LRCH2: variants seen among roughly 807,000 people sequenced by gnomAD.
LRCH2 encodes leucine rich repeats and calponin homology domain containing 2, also known as leucine-rich repeat and calponin homology domain-containing protein 2.
In LRCH2, 38 loss-of-function variants were observed where a neutral mutation model predicts 68.9. The ratio of observed to expected loss-of-function variants is 0.55; its 90% CI spans 0.43 to 0.72. The LOEUF is 0.72. Among genes scored for constraint, LRCH2 ranks in the 30% least tolerant of loss-of-function variants. The probability of loss-of-function intolerance (pLI) is 0.00; values close to 1 mark genes in which losing one functional copy is unlikely to be tolerated. For missense variants in LRCH2, 528 were observed against 572.9 expected (o/e 0.92, Z 0.80); for synonymous variants, 191 against 208.1 (o/e 0.92, Z 0.71).
intron 1 of LRCH2, among the ~76,000 whole-genome samples, chrX:115,194,858 G>A (rs1424377529): frequency 9.0e-6 from 1 of 111,168 alleles, no homozygotes; most frequent in African/African-American, 3.3e-5. Context: ...TTGAAACAGA[G>A]GTGCAATGAA....
At position 115,174,699 on chromosome X, in the gene LRCH2, G is replaced by T. The variant is rs782194073; in HGVS notation, c.865-4267C>A. 1.2e-4 allele frequency among the ~76,000 whole-genome samples: 13 copies of T among 109,465 alleles called. 1 individual carries two copies. In the South Asian group the frequency reaches 4.8e-3, roughly 41 times the overall value. On this transcript the variant is annotated intron_variant, in intron 5 of 20. Transcript: ENST00000317135. ...TGACTGTAGTGAATAATGTTGCAAT[G>T]AACATGGGAGTGCAGATTATTTCTT...
chrX:115,166,594 A>T (rs2072561955), intron 6 of LRCH2, among the ~76,000 whole-genome samples: 1 of 111,101 alleles, frequency 9.0e-6, no homozygotes, highest in South Asian at 3.7e-4. Context: ...TTCTCCTCAG[A>T]GATTCAGAAA....
At chrX:115,129,474 T>C (rs2072224792) in intron 15 of LRCH2, among the ~76,000 whole-genome samples, 1 of 111,292 alleles carries the variant, frequency 9.0e-6, no homozygotes, top group Non-Finnish European at 1.9e-5. Flanking sequence ...TCCCAGTAAA[T>C]ACTACTGGAG....
rs181383961 is a variant in LRCH2 at position 115,161,865 on chromosome X, A to G, written c.1463+1811T>C. On this transcript the variant is annotated intron_variant, in intron 11 of 20. Transcript: ENST00000317135. Reference sequence around the variant, plus strand: ...CAGAAATATCGTATATGACAATGTAAAAATCTATAATTATGCACTCAAATG... The same window carrying G: ...CAGAAATATCGTATATGACAATGTAGAAATCTATAATTATGCACTCAAATG... 2.5e-3 allele frequency among the ~76,000 whole-genome samples: 282 copies of G among 111,217 alleles called. 3 individuals carry two copies. The highest frequency in any genetic ancestry group is 4.4e-3 in the Non-Finnish European group (235 of 53,037).
chrX:115,170,190 G>T, intron 6 of LRCH2, 109 bp downstream of exon 6: 1 of 745,437 alleles, frequency 1.3e-6, no homozygotes, highest in Non-Finnish European at 1.8e-6. Flanking sequence ...TTATTTTAGT[G>T]CTGGACCAAT....
At position 115,189,368 on chromosome X, in the gene LRCH2, G is replaced by A. The variant is rs1043551081; in HGVS notation, c.350-998C>T. On this transcript the variant is annotated intron_variant, in intron 1 of 20. Transcript: ENST00000317135. Reference sequence around the variant, plus strand: ...CCGGTAGGAGCCGCCCTCCACGAGAGCGCTCGAAGGCCGCGACTGAACTGC... The same window carrying A: ...CCGGTAGGAGCCGCCCTCCACGAGAACGCTCGAAGGCCGCGACTGAACTGC... The A allele has an allele frequency of 6.5e-6, 7 of 1,071,999 alleles. No individual in the cohort carries two copies. The Admixed American group carries it at 9.3e-5, about 14-fold the overall frequency. The allele number at this position is 1,071,999 out of a possible 1,213,427, so 88.3% of individuals were successfully genotyped here.
intron 1 of LRCH2, among the ~76,000 whole-genome samples, chrX:115,222,546 G>A (rs1556574442): frequency 8.9e-6 from 1 of 112,061 alleles, no homozygotes; most frequent in Non-Finnish European, 1.9e-5. Context: ...GTTCAGCAAG[G>A]TTGAAGGATA....
At chrX:115,215,350 G>A (rs782768311) in intron 1 of LRCH2, among the ~76,000 whole-genome samples, 2 of 111,047 alleles carry the variant, frequency 1.8e-5, no homozygotes, top group Non-Finnish European at 3.8e-5. Context: ...ATAAAACCTG[G>A]GCCAAGGACA....
intron 1 of LRCH2, among the ~76,000 whole-genome samples, chrX:115,224,448 C>T (rs928808144): frequency 9.0e-6 from 1 of 110,607 alleles, no homozygotes; most frequent in Non-Finnish European, 1.9e-5. Flanking sequence ...TTTGGGAGGC[C>T]AAGGCAGGTG....
chrX:115,205,525 T>C (rs1396771083), intron 1 of LRCH2, among the ~76,000 whole-genome samples: 2 of 112,251 alleles, frequency 1.8e-5, no homozygotes, highest in Non-Finnish European at 3.8e-5. Context: ...AAAAAATACA[T>C]TACAAAAATG....
rs781816049 is a variant in LRCH2, at chrX:115,122,779, T to A, written c.2081A>T (p.His694Leu). 1 of 1,211,068 alleles carries A rather than the reference T, an allele frequency of 8.3e-7. No homozygotes were observed. Among genetic ancestry groups the A allele is most frequent in the African/African-American group, 1.7e-5 (1 of 57,806 alleles). The change falls in exon 19 of 21, where the codon CAT becomes CTT. Residue 694 changes from histidine (H) to leucine (L), a missense_variant. Coordinates refer to ENST00000317135, the MANE Select transcript of LRCH2 (RefSeq NM_020871.4). ...ACTTACCACTGCTGGTGATGGTACA[T>A]GAATACTAGCAACAGAACGTGGCCT... Reference protein sequence around the residue: ...HIRPRSVASIHVPSPAVPKLS... With the variant: ...HIRPRSVASILVPSPAVPKLS...
In LRCH2 at chrX:115,156,674, G is replaced by A. The variant is rs2072477395; in HGVS notation, c.1464-7C>T. The stretch of plus-strand genomic sequence containing the variant: ...AGTTGAATGATTAAGAATCCTAGAA[G>A]TAAATCAACACATTAATTCCCAAAT... On this transcript the variant is annotated splice_polypyrimidine_tract_variant and splice_region_variant and intron_variant, in intron 11 of 20. Coordinates refer to ENST00000317135, the MANE Select transcript of LRCH2 (RefSeq NM_020871.4). 1 of 1,087,452 alleles carries A rather than the reference G, an allele frequency of 9.2e-7. No homozygotes were observed. The highest frequency in any genetic ancestry group is 3.5e-5 in the East Asian group (1 of 28,847). 89.6% of individuals were successfully genotyped at this position (1,087,452 alleles called of 1,213,427 possible).
chrX:115,137,505 A>G (rs2072300347), intron 14 of LRCH2, among the ~76,000 whole-genome samples: 1 of 109,348 alleles, frequency 9.1e-6, no homozygotes, highest in Non-Finnish European at 1.9e-5. Context: ...AAGGACATCA[A>G]AATGATAACA....
chrX:115,129,598 C>A (rs1021537003), intron 15 of LRCH2, among the ~76,000 whole-genome samples: 9 of 110,718 alleles, frequency 8.1e-5, no homozygotes, highest in African/African-American at 3.0e-4. Context: ...TTTTCAGAAG[C>A]CCTGCCAAGT....
At chrX:115,159,358 A>G (rs1556540674) in intron 11 of LRCH2, among the ~76,000 whole-genome samples, 2 of 111,080 alleles carry the variant, frequency 1.8e-5, no homozygotes, top group African/African-American at 6.6e-5. Flanking sequence ...AAATATAGTC[A>G]AAGTCATTGA....
intron 11 of LRCH2, among the ~76,000 whole-genome samples, chrX:115,162,048 T>A (rs959718293): frequency 9.4e-6 from 1 of 105,924 alleles, no homozygotes; most frequent in East Asian, 3.1e-4. Flanking sequence ...GCCTCCCAAG[T>A]GGCTAGGACC....
intron 15 of LRCH2, among the ~76,000 whole-genome samples, chrX:115,129,881 G>A (rs192877344): frequency 2.0e-4 from 22 of 110,997 alleles, no homozygotes; most frequent in Admixed American, 1.2e-3. Context: ...AGATGTGAAA[G>A]ACAACACACA....
At chrX:115,141,711 C>CA (rs1398755628) in intron 14 of LRCH2, among the ~76,000 whole-genome samples, 1 of 107,864 alleles carries the variant, frequency 9.3e-6, no homozygotes. Flanking sequence ...ACTAAAAATA[C>CA]AAAAAATAAA....
intron 15 of LRCH2, among the ~76,000 whole-genome samples, chrX:115,128,255 A>C (rs1443654485): frequency 8.9e-6 from 1 of 112,037 alleles, no homozygotes; most frequent in Non-Finnish European, 1.9e-5. Flanking sequence ...GTTTTCTGTC[A>C]AAGGCAGATG....
Sources: allele counts gnomAD v4.1 joint callset (sites outside exome capture counted in the v4.1 genomes callset), GRCh38; gene constraint gnomAD v4.1.1; transcripts MANE v1.5; gene names NCBI Gene and HGNC (gene_info 2026-07-23, HGNC 2026-07-21).